The following FOXN3 variants were observed in gnomAD, a reference collection of about 807,000 sequenced individuals.
The protein encoded by FOXN3 is forkhead box protein N3.
A neutral mutation model predicts 38.4 loss-of-function variants in FOXN3; 7 were observed. That is an observed-to-expected ratio of 0.18 (90% CI 0.10 to 0.34). The LOEUF (loss-of-function observed/expected upper bound fraction) is 0.34, where lower values mean the gene tolerates loss of function less well. Ranked by LOEUF, FOXN3 falls within the 10% of genes least tolerant of loss-of-function variation. The pLI is 1.00. For missense variants in FOXN3, 456 were observed against 613.4 expected, an observed-to-expected ratio of 0.74 and a Z score of 2.71; for synonymous variants, 230 against 242.2, an observed-to-expected ratio of 0.95 and a Z score of 0.47.
chr14:89,366,264 A>G (rs1057426358), intron 2 of FOXN3, among the ~76,000 whole-genome samples: 1 of 151,650 alleles, frequency 6.6e-6, no homozygotes, highest in Non-Finnish European at 1.5e-5. Context: ...AAAAAAGAAA[A>G]AAAAAAAAAC....
At chr14:89,172,509 C>G (rs1356529717) in intron 5 of FOXN3, among the ~76,000 whole-genome samples, 3 of 152,148 alleles carry the variant, frequency 2.0e-5, no homozygotes, top group African/African-American at 4.8e-5. Context: ...TGCAGTTTAT[C>G]AAGCTGATTA....
chr14:89,379,223 A>G (rs920171458), intron 2 of FOXN3, among the ~76,000 whole-genome samples: 2 of 152,140 alleles, frequency 1.3e-5, no homozygotes, highest in African/African-American at 4.8e-5. Flanking sequence ...GCCTCTCCCC[A>G]TCTGACCTTC....
chr14:89,567,281 CA>C (rs1895374756), intron 1 of FOXN3, among the ~76,000 whole-genome samples: 1 of 152,148 alleles, frequency 6.6e-6, no homozygotes, highest in African/African-American at 2.4e-5. Flanking sequence ...GCAGACAAGT[CA>C]GCAACAATTC....
intron 1 of FOXN3, among the ~76,000 whole-genome samples, chr14:89,416,334 T>C (rs74507807): frequency 0.062 from 9,454 of 152,276 alleles, 398 homozygotes; most frequent in Middle Eastern, 0.11. Context: ...AACCTTTTAT[T>C]GGCCGCACCG....
intron 1 of FOXN3, among the ~76,000 whole-genome samples, chr14:89,453,741 G>T (rs1892666749): frequency 6.6e-6 from 1 of 152,008 alleles, no homozygotes. Context: ...TGTTTTGGTG[G>T]GCCCCATCAT....
chr14:89,300,327 C>T (rs1887179131), intron 3 of FOXN3, among the ~76,000 whole-genome samples: 1 of 151,794 alleles, frequency 6.6e-6, no homozygotes, highest in Admixed American at 6.6e-5. Context: ...GGATTACAGG[C>T]ACCCGCCATC....
At chr14:89,243,586 A>G (rs1183033762) in intron 4 of FOXN3, among the ~76,000 whole-genome samples, 1 of 152,240 alleles carries the variant, frequency 6.6e-6, no homozygotes, top group East Asian at 1.9e-4. Context: ...ATAGCCAATG[A>G]GGCCACAGTA....
intron 5 of FOXN3, among the ~76,000 whole-genome samples, chr14:89,173,572 C>G (rs1887445131): frequency 6.6e-6 from 1 of 152,078 alleles, no homozygotes. Flanking sequence ...AGTATAGTCA[C>G]ATAATGGGAT....
chr14:89,490,454 G>C (rs1893549068), intron 1 of FOXN3, among the ~76,000 whole-genome samples: 1 of 152,214 alleles, frequency 6.6e-6, no homozygotes, highest in Admixed American at 6.5e-5. Flanking sequence ...TGGTAGACAG[G>C]AGCATGTGGA....
chr14:89,558,585 C>G (rs112876080), intron 1 of FOXN3, among the ~76,000 whole-genome samples: 1,724 of 152,326 alleles, frequency 0.011, 23 homozygotes, highest in Middle Eastern at 0.027. Flanking sequence ...ACAGAAAGAA[C>G]TGAGACTCAA....
At chr14:89,575,040 C>A (rs1360084122) in intron 1 of FOXN3, among the ~76,000 whole-genome samples, 1 of 152,140 alleles carries the variant, frequency 6.6e-6, no homozygotes, top group Non-Finnish European at 1.5e-5. Context: ...GTAAGAAAAT[C>A]ACGAAGTGCT....
chr14:89,217,776 A>C (rs1854611761), intron 4 of FOXN3, among the ~76,000 whole-genome samples: 1 of 152,192 alleles, frequency 6.6e-6, no homozygotes, highest in African/African-American at 2.4e-5. Context: ...AAAGGGAAGG[A>C]ACAAAGTCCA....
At chr14:89,282,967 A>G (rs1886506753) in intron 3 of FOXN3, among the ~76,000 whole-genome samples, 1 of 152,206 alleles carries the variant, frequency 6.6e-6, no homozygotes, top group African/African-American at 2.4e-5. Context: ...TCTATGGTCA[A>G]TCTGTGGTGC....
intron 1 of FOXN3, among the ~76,000 whole-genome samples, chr14:89,450,496 TA>T (rs1225366762): frequency 3.3e-5 from 5 of 152,288 alleles, no homozygotes; most frequent in South Asian, 2.1e-4. Flanking sequence ...CACCTGGACT[TA>T]AGTGTCTTCA....
At chr14:89,383,056 C>G (rs202047960) in intron 2 of FOXN3, among the ~76,000 whole-genome samples, 1 of 97,684 alleles carries the variant, frequency 1.0e-5, no homozygotes, top group Non-Finnish European at 2.0e-5. Flanking sequence ...TTTTTTTTTC[C>G]TTTTTTGGCT....
intron 4 of FOXN3, among the ~76,000 whole-genome samples, chr14:89,205,574 C>T (rs1888359996): frequency 6.6e-6 from 1 of 152,220 alleles, no homozygotes; most frequent in Non-Finnish European, 1.5e-5. Flanking sequence ...CACCAGCAGG[C>T]CATCGACGGC....
chr14:89,597,747 G>A (rs1285385277), intron 1 of FOXN3, among the ~76,000 whole-genome samples: 1 of 152,022 alleles, frequency 6.6e-6, no homozygotes, highest in Non-Finnish European at 1.5e-5. Flanking sequence ...CTTTGGGTTA[G>A]CTATACAATC....
At chr14:89,583,172 G>A (rs541294511) in intron 1 of FOXN3, among the ~76,000 whole-genome samples, 81 of 152,260 alleles carry the variant, frequency 5.3e-4, no homozygotes, top group African/African-American at 1.8e-3. Flanking sequence ...GTAGATATAC[G>A]TTTACCTTTT....
At chr14:89,296,641 A>G (rs1887048415) in intron 3 of FOXN3, among the ~76,000 whole-genome samples, 1 of 152,068 alleles carries the variant, frequency 6.6e-6, no homozygotes, top group Non-Finnish European at 1.5e-5. Flanking sequence ...CCCAGGGATA[A>G]ACTCAACATT....
Sources: allele counts gnomAD v4.1 joint callset (sites outside exome capture counted in the v4.1 genomes callset), GRCh38; gene constraint gnomAD v4.1.1; transcripts MANE v1.5; gene names NCBI Gene and HGNC (gene_info 2026-07-23, HGNC 2026-07-21).